The following PTPRE variants were observed in gnomAD, a reference collection of about 807,000 sequenced individuals.
The protein encoded by PTPRE is receptor-type tyrosine-protein phosphatase epsilon.
PTPRE carries 51 observed loss-of-function variants against 102.0 expected under a neutral mutation model. The observed-to-expected ratio is 0.50, with a 90% confidence interval of 0.40 to 0.63. PTPRE has a LOEUF of 0.63. PTPRE is among the 30% of genes least tolerant of loss of function. The pLI is 0.00. For missense variants in PTPRE, 752 were observed against 915.1 expected (o/e 0.82, Z 2.30); for synonymous variants, 345 against 348.2 (o/e 0.99, Z 0.10).
rs140864718 is a variant in PTPRE, at chr10:127,913,568, G to C, written c.-31+6259G>C. Reference sequence around the variant, plus strand: ...ACTTGGCATTGGCATTTTTCAGGCTGTGTCTCCACAGTAGGACTTTCATAG... The same window carrying C: ...ACTTGGCATTGGCATTTTTCAGGCTCTGTCTCCACAGTAGGACTTTCATAG... On this transcript the variant is annotated intron_variant, in intron 1 of 20. Coordinates refer to ENST00000254667, the MANE Select transcript of PTPRE (RefSeq NM_006504.6). Among the ~76,000 whole-genome samples, 910 of 152,350 alleles carry C rather than the reference G, an allele frequency of 6.0e-3. 9 individuals carry two copies. Among genetic ancestry groups the C allele is most frequent in the Middle Eastern group, 0.014 (4 of 294 alleles).
Position 127,926,569 on chromosome 10 carries a change from A to C in PTPRE, c.-31+19260A>C, listed in dbSNP as rs192738798. On this transcript the variant is annotated intron_variant, in intron 1 of 20. Coordinates refer to ENST00000254667, the MANE Select transcript of PTPRE (RefSeq NM_006504.6). The stretch of plus-strand genomic sequence containing the variant: ...CTGGATAACAGCATGCCGGGAGAGG[A>C]GGCTGGGAGGCTGGCTGGTGTGGGC... Among the ~76,000 whole-genome samples, 336 of 152,196 alleles carry C rather than the reference A, an allele frequency of 2.2e-3. 1 individual carries two copies. Among genetic ancestry groups the C allele is most frequent in the African/African-American group, 7.4e-3 (307 of 41,528 alleles).
In PTPRE at chr10:128,068,213, G is replaced by A; in HGVS notation, c.934G>A (p.Gly312Arg). ...CTTCGGAGTGCCTTTTACCCCCATT[G>A]GGATGCTGAAGTTCCTCAAGAAAGT... Reference protein sequence around the residue: ...PDFGVPFTPIGMLKFLKKVKT... With the variant: ...PDFGVPFTPIRMLKFLKKVKT... Residue 312 changes from glycine (G) to arginine (R), a missense_variant, in exon 12 of 21, where the codon GGG becomes AGG. Gly to Arg is a moderately radical substitution (Grantham distance 125). Transcript: ENST00000254667. 1.9e-6 allele frequency: 3 copies of A among 1,614,154 alleles called. No homozygotes were observed. Among genetic ancestry groups the A allele is most frequent in the Non-Finnish European group, 2.5e-6 (3 of 1,180,004 alleles).
rs74943642 is a variant in PTPRE, at chr10:128,036,535, G to A, written c.-7-4340G>A. Among the ~76,000 whole-genome samples the A allele has an allele frequency of 0.013, 1,918 of 152,160 alleles. 168 individuals are homozygous for A. The East Asian group carries it at 0.23, about 19-fold the overall frequency. On this transcript the variant is annotated intron_variant, in intron 2 of 20. Transcript: ENST00000254667. Reference sequence around the variant, plus strand: ...CTGGGAGCTTATATTATTGCCTTATGCCTCCAGCTAAAAATCATCCTTATC... The same window carrying A: ...CTGGGAGCTTATATTATTGCCTTATACCTCCAGCTAAAAATCATCCTTATC...
chr10:128,011,682 C>T (rs1416111235), intron 2 of PTPRE, among the ~76,000 whole-genome samples: 1 of 152,248 alleles, frequency 6.6e-6, no homozygotes. Context: ...TTAGGACACT[C>T]CTGTCACTCT....
chr10:127,927,985 G>A lies in PTPRE; in HGVS notation c.-31+20676G>A, dbSNP rs148686785. Reference sequence around the variant, plus strand: ...AGTATAAAACACAGAAATCATCATCGTGTTTTGGCTAACACAATTGATGCA... The same window carrying A: ...AGTATAAAACACAGAAATCATCATCATGTTTTGGCTAACACAATTGATGCA... On this transcript the variant is annotated intron_variant, in intron 1 of 20. Transcript: ENST00000254667. 7.8e-4 allele frequency among the ~76,000 whole-genome samples: 118 copies of A among 152,124 alleles called. 1 individual carries two copies. In the East Asian group the frequency reaches 0.021, roughly 27 times the overall value.
At position 128,079,593 on chromosome 10, in the gene PTPRE, C is replaced by A. The variant is rs1002841723; in HGVS notation, c.1926C>A (p.Ala642=). 5 of 1,614,092 alleles carry A rather than the reference C, an allele frequency of 3.1e-6. No homozygotes were observed. The highest frequency in any genetic ancestry group is 1.7e-6 in the Non-Finnish European group (2 of 1,180,036). Residue 642 remains alanine (A), a synonymous_variant, in exon 20 of 21, where the codon GCC becomes GCA. Transcript: ENST00000254667. ...CTGGGCGAACAGGTACATTCATAGC[C>A]CTCAGCAACATTTTGGAGCGAGTAA... is the stretch of plus-strand genomic sequence containing the variant. ...AGAGRTGTFI[A]LSNILERVKA...
intron 2 of PTPRE, among the ~76,000 whole-genome samples, chr10:128,017,686 G>A (rs927760913): frequency 5.3e-5 from 8 of 152,110 alleles, no homozygotes; most frequent in Admixed American, 2.0e-4. Context: ...ACAGATTTCC[G>A]GTGACCAGGA....
chr10:128,061,933 A>G (rs4462252), intron 9 of PTPRE, among the ~76,000 whole-genome samples: 97,545 of 152,114 alleles, frequency 0.64, 31,593 homozygotes, highest in Admixed American at 0.74. Context: ...AGGGCACGCA[A>G]TGGCCCCGGC....
intron 1 of PTPRE, among the ~76,000 whole-genome samples, chr10:127,910,418 C>A (rs1306001252): frequency 2.0e-5 from 3 of 152,196 alleles, no homozygotes; most frequent in Non-Finnish European, 4.4e-5. Flanking sequence ...ACTCTTGGTT[C>A]CATAGAACGT....
At chr10:127,976,082 G>A (rs948178305) in intron 1 of PTPRE, among the ~76,000 whole-genome samples, 6 of 152,002 alleles carry the variant, frequency 3.9e-5, no homozygotes, top group Admixed American at 2.6e-4. Context: ...AGTTAACACC[G>A]TCCATCCCTG....
intron 2 of PTPRE, among the ~76,000 whole-genome samples, chr10:128,002,574 C>T (rs1022445248): frequency 1.3e-5 from 2 of 151,820 alleles, no homozygotes; most frequent in African/African-American, 4.8e-5. Flanking sequence ...GCTGCTGGAG[C>T]CCTGCGTGGC....
At chr10:127,923,546 G>A (rs926568492) in intron 1 of PTPRE, among the ~76,000 whole-genome samples, 12 of 152,002 alleles carry the variant, frequency 7.9e-5, no homozygotes, top group African/African-American at 2.7e-4. Flanking sequence ...TGGGATTACA[G>A]GCGCCCGCCA....
chr10:128,042,290 C>T (rs1291554495), intron 3 of PTPRE, among the ~76,000 whole-genome samples: 18 of 152,212 alleles, frequency 1.2e-4, no homozygotes, highest in Admixed American at 1.0e-3. Flanking sequence ...AAGAATCTGC[C>T]CGAGCTCTGC....
intron 10 of PTPRE, 44 bp from the exon 11 acceptor site, chr10:128,066,031 T>A: frequency 6.2e-7 from 1 of 1,614,098 alleles, no homozygotes; most frequent in Non-Finnish European, 8.5e-7. Flanking sequence ...CATGATGCAT[T>A]GCACCCACAG....
In PTPRE at chr10:128,085,439, C is replaced by A. The variant is rs1852019365; in HGVS notation, c.*2533C>A. On this transcript the variant is annotated 3_prime_UTR_variant, in exon 21 of 21. Coordinates refer to ENST00000254667, the MANE Select transcript of PTPRE (RefSeq NM_006504.6). ...GTGATTAGAAGACGACCATTCTGAT[C>A]TGTGTGTGATCTGGTCACTATGTGA... 5.0e-6 allele frequency: 1 copy of A among 200,040 alleles called. No individual in the cohort carries two copies. The highest frequency in any genetic ancestry group is 1.1e-5 in the Non-Finnish European group (1 of 94,128). 12.4% of individuals were successfully genotyped at this position (200,040 alleles called of 1,614,324 possible).
At chr10:127,926,283 C>T (rs1420076760) in intron 1 of PTPRE, among the ~76,000 whole-genome samples, 1 of 152,158 alleles carries the variant, frequency 6.6e-6, no homozygotes, top group Non-Finnish European at 1.5e-5. Context: ...CTGTCTTTTG[C>T]AAGGAGTACA....
At chr10:127,964,876 C>G (rs955867924) in intron 1 of PTPRE, 1 of 392,868 alleles carries the variant, frequency 2.5e-6, no homozygotes, top group African/African-American at 2.1e-5. Flanking sequence ...AGCTCATCAG[C>G]GGGCTCCTGG....
intron 1 of PTPRE, among the ~76,000 whole-genome samples, chr10:127,970,126 A>C (rs968541232): frequency 2.0e-5 from 3 of 152,196 alleles, no homozygotes; most frequent in African/African-American, 4.8e-5. Flanking sequence ...GGCTTTTCCC[A>C]GGCCCCCAGT....
intron 16 of PTPRE, among the ~76,000 whole-genome samples, chr10:128,073,089 G>A (rs1354884173): frequency 6.6e-6 from 1 of 152,206 alleles, no homozygotes; most frequent in East Asian, 1.9e-4. Context: ...GCAACTACCA[G>A]TTCATAATAC....
Sources: gnomAD v4.1 joint callset for allele counts (sites outside exome capture counted in the v4.1 genomes callset) on GRCh38, gnomAD v4.1.1 for gene constraint, MANE v1.5 for transcripts, NCBI Gene and HGNC (gene_info 2026-07-23, HGNC 2026-07-21) for gene names.